FAM171A1: variants seen among roughly 807,000 people sequenced by gnomAD.
FAM171A1 encodes the protein family with sequence similarity 171 member A1, also known as protein FAM171A1.
Under a neutral mutation model 74.9 loss-of-function variants are expected in FAM171A1, and 23 were observed. That is an observed-to-expected ratio of 0.31 (90% CI 0.22 to 0.44). FAM171A1 has a LOEUF of 0.44. Among genes scored for constraint, FAM171A1 ranks in the 20% least tolerant of loss-of-function variants. The pLI, the probability that FAM171A1 is intolerant of heterozygous loss-of-function variation, is 1.00. For missense variants in FAM171A1, 1,162 were observed against 1,159.2 expected, an observed-to-expected ratio of 1.00 and a Z score of -0.03; for synonymous variants, 527 against 505.7, an observed-to-expected ratio of 1.04 and a Z score of -0.57.
chr10:15,263,800 A>ATCC, intron 3 of FAM171A1, among the ~76,000 whole-genome samples: 1 of 150,570 alleles, frequency 6.6e-6, no homozygotes, highest in African/African-American at 2.4e-5. Flanking sequence ...CTATCCATCT[A>ATCC]ATCTATTAAT....
intron 1 of FAM171A1, among the ~76,000 whole-genome samples, chr10:15,356,312 T>C (rs1303217638): frequency 6.6e-6 from 1 of 151,874 alleles, no homozygotes; most frequent in Admixed American, 6.6e-5. Context: ...CTTATGTTTA[T>C]GAGAAAGAGA....
chr10:15,292,418 T>G (rs116086025), intron 1 of FAM171A1, among the ~76,000 whole-genome samples: 1 of 152,170 alleles, frequency 6.6e-6, no homozygotes, highest in African/African-American at 2.4e-5. Context: ...CCCCACTTTT[T>G]TGCTGAAACA....
chr10:15,268,186 G>A (rs149794059), intron 3 of FAM171A1, among the ~76,000 whole-genome samples: 1 of 152,182 alleles, frequency 6.6e-6, no homozygotes, highest in African/African-American at 2.4e-5. Context: ...GTCCAGCCCT[G>A]AGTGGAAGGG....
At chr10:15,271,278 G>T (rs918168204) in intron 3 of FAM171A1, among the ~76,000 whole-genome samples, 1 of 152,034 alleles carries the variant, frequency 6.6e-6, no homozygotes, top group Non-Finnish European at 1.5e-5. Flanking sequence ...TAGAAGAAAG[G>T]GTATCAGCGA....
intron 6 of FAM171A1, 24 bp from the exon 7 acceptor site, chr10:15,216,134 T>C: frequency 6.7e-7 from 1 of 1,495,716 alleles, no homozygotes; most frequent in Non-Finnish European, 9.1e-7. Context: ...AAATGGCATT[T>C]AGAGTTTTGA....
At position 15,284,079 on chromosome 10, in the gene FAM171A1, C is replaced by A; in HGVS notation, c.124G>T (p.Asp42Tyr). ...QEVTLKVHIS[D>Y]ASTHQPVADA... ...GCTACGGGCTGGTGGGTGCTGGCGT[C>A]GCTGATGTGCACCTTTAACGTCACC... The change falls in exon 2 of 8, where the codon GAC becomes TAC. Residue 42 changes from aspartate (D) to tyrosine (Y), a missense_variant. Physicochemically the swap from Asp to Tyr is radical, Grantham distance 160 (BLOSUM62 -3). Transcript: ENST00000378116. The A allele has an allele frequency of 6.2e-7, 1 of 1,613,710 alleles. No individual in the cohort carries two copies. The highest frequency in any genetic ancestry group is 8.5e-7 in the Non-Finnish European group (1 of 1,180,008).
intron 1 of FAM171A1, among the ~76,000 whole-genome samples, chr10:15,328,357 G>A (rs1282105332): frequency 1.3e-5 from 2 of 152,124 alleles, no homozygotes; most frequent in Non-Finnish European, 2.9e-5. Context: ...TGTTGGGAAG[G>A]CTGGTCTTGG....
At chr10:15,336,511 A>G (rs1835701579) in intron 1 of FAM171A1, among the ~76,000 whole-genome samples, 1 of 152,176 alleles carries the variant, frequency 6.6e-6, no homozygotes. Context: ...TCTGTGTCCC[A>G]TGTACTTTTT....
In FAM171A1 at chr10:15,213,039, G is replaced by C. The variant is rs1833912032; in HGVS notation, c.2549C>G (p.Pro850Arg). Residue 850 changes from proline to arginine, a missense_variant, in exon 8 of 8, where the codon CCC becomes CGC. Pro to Arg is a moderately radical substitution (Grantham distance 103). Transcript: ENST00000378116. The surrounding 1 kb of genome is among the most constrained non-coding windows in gnomAD (Gnocchi z 6.8). ...ADAPSEPAAS[P>R]HQRRSAHEEE... ...CTCGTGGGCAGATCTTCTCTGGTGG[G>C]GGCTGGCTGCTGGCTCCGAGGGGGC... 6.2e-7 allele frequency: 1 copy of C among 1,613,778 alleles called. No individual in the cohort carries two copies. Among genetic ancestry groups the C allele is most frequent in the East Asian group, 2.2e-5 (1 of 44,856 alleles).
At chr10:15,372,014 G>A (rs1481818870), upstream of FAM171A1, among the ~76,000 whole-genome samples, 1 of 152,144 alleles carries the variant, frequency 6.6e-6, no homozygotes, top group African/African-American at 2.4e-5. Flanking sequence ...TCAGGGGGAA[G>A]GGGGATTCTT....
chr10:15,357,483 G>A (rs899317425), intron 1 of FAM171A1, among the ~76,000 whole-genome samples: 1 of 152,216 alleles, frequency 6.6e-6, no homozygotes, highest in Non-Finnish European at 1.5e-5. Flanking sequence ...GATTTACTAG[G>A]AAGGGAATGA....
chr10:15,227,727 G>A (rs116648510), intron 5 of FAM171A1, among the ~76,000 whole-genome samples: 63 of 152,302 alleles, frequency 4.1e-4, no homozygotes, highest in African/African-American at 1.2e-3. Context: ...GGAAAGACTC[G>A]GAGATATTTT....
At chr10:15,262,484 A>G (rs2131778502) in intron 3 of FAM171A1, among the ~76,000 whole-genome samples, 1 of 152,318 alleles carries the variant, frequency 6.6e-6, no homozygotes. Context: ...CCAGGAAGGC[A>G]GAACCGGGTA....
chr10:15,253,735 G>A (rs921320412), intron 4 of FAM171A1, among the ~76,000 whole-genome samples: 2 of 152,170 alleles, frequency 1.3e-5, no homozygotes, highest in African/African-American at 4.8e-5. Flanking sequence ...AACAGCCTTT[G>A]ATTTAAAATT....
At chr10:15,266,773 G>T (rs1341994943) in intron 3 of FAM171A1, among the ~76,000 whole-genome samples, 1 of 151,666 alleles carries the variant, frequency 6.6e-6, no homozygotes, top group Non-Finnish European at 1.5e-5. Context: ...GGAGGCTGAG[G>T]TGAAAGGATT....
chr10:15,214,140 T>C lies in FAM171A1; in HGVS notation c.1448A>G (p.Asp483Gly). 1 of 1,614,184 alleles carries C rather than the reference T, an allele frequency of 6.2e-7. No homozygotes were observed. Among genetic ancestry groups the C allele is most frequent in the Non-Finnish European group, 8.5e-7 (1 of 1,180,038 alleles). Residue 483 changes from aspartate (D) to glycine (G), a missense_variant, in exon 8 of 8, where the codon GAT (aspartate) becomes GGT (glycine). Physicochemically the swap from Asp to Gly is moderately conservative, Grantham distance 94. Coordinates refer to ENST00000378116, the MANE Select transcript of FAM171A1 (RefSeq NM_001010924.2). ...EREGYESSGN[D>G]DYRGSYNTVL... ...GGTGTTGTAACTACCCCTGTAGTCA[T>C]CATTGCCCGAGGACTCGTAGCCTTC...
rs1342528907 is a variant in FAM171A1 at position 15,214,245 on chromosome 10, G to A, written c.1343C>T (p.Thr448Ile). 1 of 1,614,150 alleles carries A rather than the reference G, an allele frequency of 6.2e-7. No homozygotes were observed. Among genetic ancestry groups the A allele is most frequent in the East Asian group, 2.2e-5 (1 of 44,876 alleles). Residue 448 changes from threonine to isoleucine, a missense_variant, in exon 8 of 8, where the codon ACT becomes ATT. Physicochemically the swap from Thr to Ile is moderately conservative, Grantham distance 89. Transcript: ENST00000378116. ...DKSQISFDNL[T>I]PSGTLGKDYH... is the part of the protein sequence containing the mutation. Reference sequence around the variant, plus strand: ...GTCTTTCCCCAGCGTCCCACTTGGAGTGAGGTTATCAAAGGAGATCTGGCT... The same window carrying A: ...GTCTTTCCCCAGCGTCCCACTTGGAATGAGGTTATCAAAGGAGATCTGGCT...
At chr10:15,337,515 GTGCCGTGACTCA>G in intron 1 of FAM171A1, among the ~76,000 whole-genome samples, 1 of 150,800 alleles carries the variant, frequency 6.6e-6, no homozygotes, top group African/African-American at 2.4e-5. Flanking sequence ...TAGGGGCCGG[GTGCCGTGACTCA>G]CGCCTGTAAT....
intron 3 of FAM171A1, 23 bp downstream of exon 3, chr10:15,275,832 A>G: frequency 1.4e-6 from 2 of 1,476,894 alleles, no homozygotes; most frequent in Non-Finnish European, 1.8e-6. Context: ...AACAATAAAA[A>G]CTGAAAAAAA....
Sources: allele counts gnomAD v4.1 joint callset (sites outside exome capture counted in the v4.1 genomes callset), GRCh38; gene constraint gnomAD v4.1.1; non-coding constraint Gnocchi (gnomAD v3.1); transcripts MANE v1.5; gene names NCBI Gene and HGNC (gene_info 2026-07-23, HGNC 2026-07-21).